CDKAL1: variants seen among roughly 807,000 people sequenced by gnomAD.
The protein encoded by CDKAL1 is CDKAL1 threonylcarbamoyladenosine tRNA methylthiotransferase.
A neutral mutation model predicts 68.2 loss-of-function variants in CDKAL1; 32 were observed. The ratio of observed to expected loss-of-function variants is 0.47; its 90% CI spans 0.35 to 0.63. The LOEUF is 0.63. Ranked by LOEUF, CDKAL1 falls within the 30% of genes least tolerant of loss-of-function variation. The pLI is 0.00. For missense variants in CDKAL1, 606 were observed against 696.7 expected (o/e 0.87, Z 1.47); for synonymous variants, 234 against 244.3 (o/e 0.96, Z 0.39).
At chr6:20,893,719 A>C (rs74712130) in intron 9 of CDKAL1, among the ~76,000 whole-genome samples, 4 of 152,186 alleles carry the variant, frequency 2.6e-5, no homozygotes, top group Non-Finnish European at 5.9e-5. Context: ...TCAATTGCCT[A>C]TTCTGCAAAA....
intron 12 of CDKAL1, among the ~76,000 whole-genome samples, chr6:21,070,059 G>C (rs561245281): frequency 6.6e-6 from 1 of 151,800 alleles, no homozygotes; most frequent in South Asian, 2.1e-4. Flanking sequence ...CAAAGTGCTG[G>C]GATTACAGGC....
chr6:20,549,150 G>A (rs1245937920), intron 4 of CDKAL1, among the ~76,000 whole-genome samples: 1 of 152,076 alleles, frequency 6.6e-6, no homozygotes, highest in Non-Finnish European at 1.5e-5. Flanking sequence ...CCTCCAATCT[G>A]TGACAGTTTC....
intron 9 of CDKAL1, among the ~76,000 whole-genome samples, chr6:20,931,546 A>G (rs1763462472): frequency 6.6e-6 from 1 of 152,168 alleles, no homozygotes; most frequent in Non-Finnish European, 1.5e-5. Flanking sequence ...GTTCTTTCCA[A>G]AAATGTGTGG....
chr6:21,204,887 C>T (rs1013410865), intron 15 of CDKAL1, among the ~76,000 whole-genome samples: 13 of 152,188 alleles, frequency 8.5e-5, no homozygotes, highest in Non-Finnish European at 1.9e-4. Context: ...TACAACCCAT[C>T]TCCAGAACTT....
intron 9 of CDKAL1, among the ~76,000 whole-genome samples, chr6:20,946,789 G>A (rs1172847356): frequency 6.6e-6 from 1 of 151,824 alleles, no homozygotes; most frequent in Non-Finnish European, 1.5e-5. Context: ...AGAGACGGGG[G>A]TTTCTCCATG....
chr6:21,195,345 T>G (rs1470081790), intron 13 of CDKAL1, among the ~76,000 whole-genome samples: 1 of 152,038 alleles, frequency 6.6e-6, no homozygotes, highest in East Asian at 1.9e-4. Context: ...GTATTTTTAG[T>G]AGAAACAGGG....
chr6:20,619,850 C>T (rs937932968), intron 4 of CDKAL1, among the ~76,000 whole-genome samples: 3 of 152,142 alleles, frequency 2.0e-5, no homozygotes, highest in Non-Finnish European at 4.4e-5. Flanking sequence ...TTCTGTGTTT[C>T]GCTTTTCTAT....
chr6:20,930,746 AT>A (rs34094116), intron 9 of CDKAL1, among the ~76,000 whole-genome samples: 77,081 of 142,216 alleles, frequency 0.54, 20,218 homozygotes, highest in East Asian at 0.64. Context: ...TATTATGTGT[AT>A]TTTTTTTTTT....
chr6:20,662,437 G>A (rs1004428659), intron 5 of CDKAL1, among the ~76,000 whole-genome samples: 2 of 152,028 alleles, frequency 1.3e-5, no homozygotes, highest in Non-Finnish European at 2.9e-5. Context: ...TACTCAAAGT[G>A]CCCTATGTTT....
chr6:21,214,160 A>G (rs1331605718), intron 15 of CDKAL1, among the ~76,000 whole-genome samples: 1 of 152,188 alleles, frequency 6.6e-6, no homozygotes, highest in Non-Finnish European at 1.5e-5. Context: ...AAAGCTTACC[A>G]GGAGCTGGGC....
At chr6:20,803,254 G>A (rs1776440029) in intron 8 of CDKAL1, among the ~76,000 whole-genome samples, 2 of 152,144 alleles carry the variant, frequency 1.3e-5, no homozygotes, top group South Asian at 2.1e-4. Context: ...GCTTCTTCCA[G>A]CCTTTTCTCT....
intron 5 of CDKAL1, among the ~76,000 whole-genome samples, chr6:20,690,138 A>G (rs1199545526): frequency 2.0e-5 from 3 of 152,190 alleles, no homozygotes; most frequent in Admixed American, 6.5e-5. Context: ...ACATGAAATT[A>G]TATCGTACAT....
intron 11 of CDKAL1, among the ~76,000 whole-genome samples, chr6:21,018,927 C>T (rs184656407): frequency 3.3e-3 from 501 of 151,904 alleles, no homozygotes; most frequent in African/African-American, 0.012. Context: ...TTTGCTTTGT[C>T]GTCTGTCATA....
intron 4 of CDKAL1, among the ~76,000 whole-genome samples, chr6:20,640,118 C>A (rs1309326730): frequency 6.6e-6 from 1 of 152,222 alleles, no homozygotes; most frequent in Non-Finnish European, 1.5e-5. Flanking sequence ...GGTAAACGTA[C>A]TGCACACTTA....
rs1297158540 is a variant in CDKAL1, at chr6:21,231,145, G to A, written c.*106G>A. On this transcript the variant is annotated 3_prime_UTR_variant, in exon 16 of 16. Transcript: ENST00000274695. ...TTCTCCAAGGGCAATAATTTGTACT[G>A]GTCATGCTGCCTCCTTCTCAGCCAC... 8 of 813,292 alleles carry A rather than the reference G, an allele frequency of 9.8e-6. No homozygotes were observed. The East Asian group carries it at 2.2e-4, about 22-fold the overall frequency. 50.4% of individuals were successfully genotyped at this position (813,292 alleles called of 1,614,324 possible).
chr6:20,544,874 A>G (rs1763533124), intron 2 of CDKAL1, among the ~76,000 whole-genome samples: 1 of 151,858 alleles, frequency 6.6e-6, no homozygotes, highest in East Asian at 1.9e-4. Flanking sequence ...ATTCTACACT[A>G]GTGGAGTGTG....
chr6:20,834,807 G>A (rs1436298492), intron 8 of CDKAL1, among the ~76,000 whole-genome samples: 3 of 152,154 alleles, frequency 2.0e-5, no homozygotes, highest in Non-Finnish European at 4.4e-5. Flanking sequence ...TCCCACATCG[G>A]AGTTAGAAAT....
intron 15 of CDKAL1, among the ~76,000 whole-genome samples, chr6:21,228,701 A>G (rs1779843976): frequency 6.6e-6 from 1 of 152,210 alleles, no homozygotes; most frequent in Non-Finnish European, 1.5e-5. Flanking sequence ...GATTTCAGAG[A>G]TGAATTAGGC....
chr6:20,847,893 A>T (rs1778434939), intron 9 of CDKAL1, among the ~76,000 whole-genome samples: 2 of 152,244 alleles, frequency 1.3e-5, no homozygotes, highest in South Asian at 4.1e-4. Flanking sequence ...AATACACTCC[A>T]CAGTGTGGGA....
Sources: allele counts gnomAD v4.1 joint callset (sites outside exome capture counted in the v4.1 genomes callset), GRCh38; gene constraint gnomAD v4.1.1; transcripts MANE v1.5; gene names NCBI Gene and HGNC (gene_info 2026-07-23, HGNC 2026-07-21).